Variants in PCDH15 observed in about 807,000 individuals in gnomAD.
PCDH15 encodes protocadherin-15.
A neutral mutation model predicts 178.5 loss-of-function variants in PCDH15; 129 were observed. That is an observed-to-expected ratio of 0.72 (90% CI 0.63 to 0.84). PCDH15 has a LOEUF of 0.84. Ranked by LOEUF, PCDH15 falls within the 40% of genes least tolerant of loss-of-function variation. PCDH15 has a pLI of 0.00. For missense variants in PCDH15, 2,230 were observed against 2,099.9 expected, an observed-to-expected ratio of 1.06 and a Z score of -1.21; for synonymous variants, 800 against 732.0, an observed-to-expected ratio of 1.09 and a Z score of -1.50.
At chr10:54,581,205 G>T (rs193011844) in intron 2 of PCDH15, among the ~76,000 whole-genome samples, 52 of 152,174 alleles carry the variant, frequency 3.4e-4, no homozygotes, top group African/African-American at 1.2e-3. Flanking sequence ...CAAAGACTCT[G>T]CTGAAAGGCT....
At chr10:55,265,795 C>T (rs1436319715) in intron 1 of PCDH15, among the ~76,000 whole-genome samples, 1 of 152,042 alleles carries the variant, frequency 6.6e-6, no homozygotes, top group Non-Finnish European at 1.5e-5. Context: ...ACAGCTAATC[C>T]TAAAGGATAC....
At chr10:54,189,919 A>ATGTGTGTGTGTGTGTGTGTGTG (rs531733552) in intron 11 of PCDH15, among the ~76,000 whole-genome samples, 1 of 108,750 alleles carries the variant, frequency 9.2e-6, no homozygotes, top group African/African-American at 3.2e-5. Context: ...GTATACATGC[A>ATGTGTGTGTGTGTGTGTGTGTG]TGTGTATGTG....
intron 2 of PCDH15, among the ~76,000 whole-genome samples, chr10:55,336,224 G>A (rs1387377069): frequency 2.0e-5 from 3 of 151,558 alleles, no homozygotes; most frequent in East Asian, 3.9e-4. Flanking sequence ...TCTGGGCCGG[G>A]CGCAGTGGCT....
chr10:55,537,927 G>A (rs1312284045), intron 2 of PCDH15, among the ~76,000 whole-genome samples: 5 of 151,988 alleles, frequency 3.3e-5, no homozygotes, highest in Non-Finnish European at 4.4e-5. Context: ...TACAATTCTA[G>A]CTTTAAATAT....
intron 2 of PCDH15, among the ~76,000 whole-genome samples, chr10:54,639,627 C>G (rs1336276177): frequency 6.6e-6 from 1 of 152,076 alleles, no homozygotes; most frequent in Non-Finnish European, 1.5e-5. Flanking sequence ...ATATTCAATA[C>G]ATTGAGTTGT....
chr10:54,477,939 T>A (rs1436871160), intron 3 of PCDH15, among the ~76,000 whole-genome samples: 1 of 152,192 alleles, frequency 6.6e-6, no homozygotes, highest in Non-Finnish European at 1.5e-5. Flanking sequence ...AGAGACCACC[T>A]ACTGTTACGC....
chr10:54,287,694 G>A (rs1413438511), intron 8 of PCDH15, among the ~76,000 whole-genome samples: 1 of 152,104 alleles, frequency 6.6e-6, no homozygotes, highest in Admixed American at 6.5e-5. Context: ...ACTTCCTGCT[G>A]TTTAATATTC....
chr10:54,090,643 CAAAA>C (rs34617225), intron 15 of PCDH15, among the ~76,000 whole-genome samples: 3,260 of 118,086 alleles, frequency 0.028, 103 homozygotes, highest in African/African-American at 0.084. Context: ...GATCTTGTCT[CAAAA>C]AAAAAAAAAA....
chr10:55,173,930 A>G (rs531706002), intron 1 of PCDH15, among the ~76,000 whole-genome samples: 1 of 152,230 alleles, frequency 6.6e-6, no homozygotes, highest in Admixed American at 6.5e-5. Flanking sequence ...GTAAGTGTTT[A>G]TGGGTCCAAA....
At chr10:54,474,349 G>T (rs1371710385) in intron 3 of PCDH15, among the ~76,000 whole-genome samples, 1 of 151,878 alleles carries the variant, frequency 6.6e-6, no homozygotes, top group East Asian at 1.9e-4. Context: ...TAAGTGATTT[G>T]TTCAGTTATC....
intron 2 of PCDH15, among the ~76,000 whole-genome samples, chr10:54,610,870 T>C (rs966183095): frequency 6.6e-6 from 1 of 151,844 alleles, no homozygotes; most frequent in Non-Finnish European, 1.5e-5. Flanking sequence ...GAACAATGCA[T>C]CTATCTGCTG....
At chr10:54,605,528 C>G (rs188193338) in intron 2 of PCDH15, among the ~76,000 whole-genome samples, 1 of 152,220 alleles carries the variant, frequency 6.6e-6, no homozygotes, top group Non-Finnish European at 1.5e-5. Context: ...GGTTCCCTAA[C>G]ACATAACAAG....
chr10:54,920,652 C>T (rs1342970854), intron 2 of PCDH15, among the ~76,000 whole-genome samples: 1 of 151,886 alleles, frequency 6.6e-6, no homozygotes, highest in African/African-American at 2.4e-5. Context: ...TTATTGAACC[C>T]GCAGAATACA....
intron 25 of PCDH15, among the ~76,000 whole-genome samples, chr10:53,913,959 G>C (rs2083337082): frequency 6.6e-6 from 1 of 151,704 alleles, no homozygotes; most frequent in African/African-American, 2.4e-5. Flanking sequence ...CAAAGGATAT[G>C]AACAGACACT....
At chr10:54,293,991 T>G (rs893236948) in intron 8 of PCDH15, among the ~76,000 whole-genome samples, 1 of 152,196 alleles carries the variant, frequency 6.6e-6, no homozygotes, top group Non-Finnish European at 1.5e-5. Context: ...GGATTATAAA[T>G]CATGCTACTA....
At chr10:55,369,573 A>G (rs569488533) in intron 2 of PCDH15, among the ~76,000 whole-genome samples, 1 of 152,120 alleles carries the variant, frequency 6.6e-6, no homozygotes, top group Non-Finnish European at 1.5e-5. Flanking sequence ...AAATACATTA[A>G]CTAAAAATAT....
intron 18 of PCDH15, among the ~76,000 whole-genome samples, chr10:54,028,507 T>C (rs1389013659): frequency 6.6e-6 from 1 of 152,054 alleles, no homozygotes; most frequent in East Asian, 1.9e-4. Flanking sequence ...ATTGTGGCAT[T>C]ATTCACGATA....
intron 1 of PCDH15, among the ~76,000 whole-genome samples, chr10:54,787,074 T>C (rs1189056290): frequency 6.6e-6 from 1 of 151,886 alleles, no homozygotes; most frequent in African/African-American, 2.4e-5. Flanking sequence ...CATCTTTAGA[T>C]AGAATGCCAA....
At chr10:54,428,808 GA>G (rs1214813624) in intron 3 of PCDH15, among the ~76,000 whole-genome samples, 1 of 151,774 alleles carries the variant, frequency 6.6e-6, no homozygotes, top group Admixed American at 6.6e-5. Flanking sequence ...AGTGCTGAAG[GA>G]AAAAATAAAA....
Sources: gnomAD v4.1 joint callset for allele counts (sites outside exome capture counted in the v4.1 genomes callset) on GRCh38, gnomAD v4.1.1 for gene constraint, MANE v1.5 for transcripts, NCBI Gene and HGNC (gene_info 2026-07-23, HGNC 2026-07-21) for gene names.